The following RGS22 variants were observed in gnomAD, a reference collection of about 807,000 sequenced individuals.
RGS22 encodes the protein regulator of G-protein signaling 22.
In RGS22, 148 loss-of-function variants were observed where a neutral mutation model predicts 172.9. The observed-to-expected ratio is 0.86, with a 90% CI of 0.75 to 0.98. The LOEUF is 0.98. RGS22 is among the 50% of genes least tolerant of loss of function. The pLI, the probability that RGS22 is intolerant of heterozygous loss-of-function variation, is 0.00. For missense variants in RGS22, 1,347 were observed against 1,440.8 expected (o/e 0.93, Z 1.05); for synonymous variants, 458 against 480.2 (o/e 0.95, Z 0.60).
At chr8:100,053,797 G>A (rs1397444284) in intron 9 of RGS22, among the ~76,000 whole-genome samples, 8 of 151,824 alleles carry the variant, frequency 5.3e-5, no homozygotes, top group Non-Finnish European at 8.8e-5. Context: ...CACCATGCCC[G>A]GCTAATTTTT....
chr8:100,067,834 A>G (rs1438166775), intron 6 of RGS22, among the ~76,000 whole-genome samples: 1 of 151,914 alleles, frequency 6.6e-6, no homozygotes, highest in Non-Finnish European at 1.5e-5. Flanking sequence ...CATGTTGGTC[A>G]GGCTGGTCTG....
chr8:100,048,113 T>A (rs926490890), intron 10 of RGS22, among the ~76,000 whole-genome samples: 4 of 152,098 alleles, frequency 2.6e-5, no homozygotes, highest in African/African-American at 7.2e-5. Context: ...TTCTTAGAGT[T>A]ATTTATGGTA....
intron 12 of RGS22, among the ~76,000 whole-genome samples, chr8:100,040,536 G>C (rs183200399): frequency 4.1e-4 from 62 of 152,180 alleles, no homozygotes; most frequent in African/African-American, 1.4e-3. Flanking sequence ...ACTATCCTTA[G>C]GGGGTCCCTC....
chr8:100,101,844 G>T (rs1004218646), intron 2 of RGS22, among the ~76,000 whole-genome samples: 28 of 150,588 alleles, frequency 1.9e-4, no homozygotes, highest in Non-Finnish European at 2.8e-4. Context: ...TGAAAAAAAA[G>T]CTAGTATGAA....
At chr8:100,047,387 TTC>T (rs1160442794) in intron 11 of RGS22, 74 bp downstream of exon 11, 27 of 1,344,224 alleles carry the variant, frequency 2.0e-5, no homozygotes, top group East Asian at 2.4e-5. Context: ...AGTTTTTAAT[TTC>T]TGTTTAGTTT....
At chr8:100,049,948 C>A (rs1307050129) in intron 10 of RGS22, among the ~76,000 whole-genome samples, 1 of 151,164 alleles carries the variant, frequency 6.6e-6, no homozygotes, top group Non-Finnish European at 1.5e-5. Context: ...ACTTGGGAGA[C>A]TGAGGCAGGA....
chr8:100,063,630 TC>T lies in RGS22; in HGVS notation c.1137del (p.Ile380Ter), dbSNP rs2131794546. ...LVQTTKERSE[E>X]IEQTSLSSKN... ...TTTGAACTTAAACTTGTTTGTTCTA[TC>T]TCTTCTGACCTCTCCTTTGTAGTTT... is the stretch of plus-strand genomic sequence containing the variant. On this transcript the variant is annotated frameshift_variant, in exon 8 of 28. Coordinates refer to ENST00000360863, the MANE Select transcript of RGS22 (RefSeq NM_015668.5). LOFTEE classifies it high-confidence loss of function. 1.2e-6 allele frequency: 2 copies of T among 1,614,156 alleles called. No homozygotes were observed. Among genetic ancestry groups the T allele is most frequent in the Non-Finnish European group, 8.5e-7 (1 of 1,180,010 alleles).
At chr8:99,972,567 C>A (rs1811479430) in intron 23 of RGS22, among the ~76,000 whole-genome samples, 1 of 151,826 alleles carries the variant, frequency 6.6e-6, no homozygotes, top group Non-Finnish European at 1.5e-5. Flanking sequence ...AAAAAACAAG[C>A]AATCCCATCA....
chr8:100,043,551 G>A (rs1460048570), intron 11 of RGS22, among the ~76,000 whole-genome samples: 6 of 152,150 alleles, frequency 3.9e-5, no homozygotes, highest in African/African-American at 1.2e-4. Flanking sequence ...TGAGGTAGGT[G>A]GATCACGTGA....
intron 2 of RGS22, among the ~76,000 whole-genome samples, chr8:100,096,970 G>A (rs1320861239): frequency 6.6e-6 from 1 of 152,146 alleles, no homozygotes; most frequent in East Asian, 1.9e-4. Flanking sequence ...AAGGAAAGAC[G>A]TTATCTGGTA....
At chr8:100,034,116 G>A (rs547571499) in intron 14 of RGS22, among the ~76,000 whole-genome samples, 4 of 152,254 alleles carry the variant, frequency 2.6e-5, no homozygotes, top group African/African-American at 9.6e-5. Context: ...TCTGGCCAGG[G>A]CAATCGGGCA....
intron 22 of RGS22, among the ~76,000 whole-genome samples, chr8:99,981,285 G>A (rs1812522019): frequency 1.3e-5 from 2 of 152,160 alleles, no homozygotes; most frequent in Non-Finnish European, 2.9e-5. Flanking sequence ...CCTTTCATGA[G>A]TTTGTATACT....
intron 21 of RGS22, 93 bp downstream of exon 21, chr8:99,987,365 A>G: frequency 1.0e-6 from 1 of 954,316 alleles, no homozygotes; most frequent in East Asian, 2.5e-5. Flanking sequence ...GATATCTTAT[A>G]CAAATCTTGT....
chr8:99,965,194 C>T (rs1029340701), intron 24 of RGS22, 141 bp downstream of exon 24: 3 of 452,764 alleles, frequency 6.6e-6, no homozygotes, highest in African/African-American at 6.0e-5. Context: ...AAGAAACTCC[C>T]TTCAATCTCT....
intron 23 of RGS22, among the ~76,000 whole-genome samples, chr8:99,969,774 G>A (rs866987913): frequency 7.9e-5 from 12 of 152,174 alleles, no homozygotes; most frequent in Middle Eastern, 3.4e-3. Flanking sequence ...ACTCCCATAC[G>A]ATAATACTGG....
chr8:100,095,631 T>C (rs1812906411), intron 2 of RGS22, among the ~76,000 whole-genome samples: 1 of 152,204 alleles, frequency 6.6e-6, no homozygotes, highest in Non-Finnish European at 1.5e-5. Flanking sequence ...CAAACTGCCA[T>C]AAAGGTTCTA....
At chr8:99,977,468 A>C (rs1356661218) in intron 23 of RGS22, among the ~76,000 whole-genome samples, 1 of 152,006 alleles carries the variant, frequency 6.6e-6, no homozygotes, top group Non-Finnish European at 1.5e-5. Context: ...GCCAGTACAT[A>C]CTATTTGTTC....
chr8:100,098,717 CTTCTA>C (rs1354266073), intron 2 of RGS22, among the ~76,000 whole-genome samples: 3 of 151,748 alleles, frequency 2.0e-5, no homozygotes, highest in South Asian at 2.1e-4. Flanking sequence ...TTCTTCTTCT[CTTCTA>C]TTCTCTTTTC....
rs770969079 is a variant in RGS22, at chr8:100,062,758, A to G, written c.1353-6T>C. 2.3e-5 allele frequency: 36 copies of G among 1,591,922 alleles called. No individual in the cohort carries two copies. The highest frequency in any genetic ancestry group is 2.7e-5 in the Non-Finnish European group (32 of 1,169,096). ...TTTTCATCTTCTCAAGATGTCTGAA[A>G]TAAAACACATTTCCATATATACACA... On this transcript the variant is annotated splice_region_variant and splice_polypyrimidine_tract_variant and intron_variant, in intron 8 of 27. Transcript: ENST00000360863.
Sources: gnomAD v4.1 joint callset for allele counts (sites outside exome capture counted in the v4.1 genomes callset) on GRCh38, gnomAD v4.1.1 for gene constraint, MANE v1.5 for transcripts, NCBI Gene and HGNC (gene_info 2026-07-23, HGNC 2026-07-21) for gene names.